The following KLHL3 variants were observed in gnomAD, a reference collection of about 807,000 sequenced individuals.
KLHL3 encodes the protein kelch-like protein 3.
KLHL3 carries 19 observed loss-of-function variants against 70.5 expected under a neutral mutation model. That is an observed-to-expected ratio of 0.27 (90% CI 0.19 to 0.40). KLHL3 has a LOEUF of 0.40. Ranked by LOEUF, KLHL3 falls within the 10% of genes least tolerant of loss-of-function variation. The pLI is 1.00. For synonymous variants in KLHL3, 258 were observed against 290.3 expected, an observed-to-expected ratio of 0.89 and a Z score of 1.13; for missense variants, 512 against 771.1, an observed-to-expected ratio of 0.66 and a Z score of 3.98.
intron 10 of KLHL3, among the ~76,000 whole-genome samples, chr5:137,637,901 T>C (rs551763810): frequency 2.0e-5 from 3 of 152,336 alleles, no homozygotes; most frequent in Non-Finnish European, 2.9e-5. Context: ...ATTCCCCTTT[T>C]TGATTCTTGC....
At chr5:137,704,339 T>C (rs923757758) in intron 3 of KLHL3, among the ~76,000 whole-genome samples, 14 of 151,572 alleles carry the variant, frequency 9.2e-5, no homozygotes, top group Admixed American at 7.2e-4. Flanking sequence ...GAGCCGAGAT[T>C]GCGCCACTGC....
At chr5:137,686,882 A>T (rs1370575246) in intron 5 of KLHL3, among the ~76,000 whole-genome samples, 1 of 126,968 alleles carries the variant, frequency 7.9e-6, no homozygotes, top group Non-Finnish European at 1.7e-5. Flanking sequence ...TAAAAATATT[A>T]CCTCCCTGAG....
At chr5:137,725,061 A>G in intron 1 of KLHL3, 1 of 985,152 alleles carries the variant, frequency 1.0e-6, no homozygotes, top group Non-Finnish European at 1.2e-6. Context: ...CCCTCCATTC[A>G]TTCCAGATCT....
chr5:137,725,736 ATACTTT>A (rs1753075470), intron 1 of KLHL3, among the ~76,000 whole-genome samples: 1 of 152,226 alleles, frequency 6.6e-6, no homozygotes, highest in African/African-American at 2.4e-5. Flanking sequence ...ATCTGGCTCA[ATACTTT>A]AATTAATTTC....
chr5:137,692,996 G>T (rs1315544762), intron 4 of KLHL3, among the ~76,000 whole-genome samples: 1 of 152,274 alleles, frequency 6.6e-6, no homozygotes, highest in Non-Finnish European at 1.5e-5. Context: ...AGCTCCCCAG[G>T]TGCTTCTAAT....
At chr5:137,704,890 G>C (rs1472460708) in intron 3 of KLHL3, among the ~76,000 whole-genome samples, 1 of 152,194 alleles carries the variant, frequency 6.6e-6, no homozygotes, top group East Asian at 1.9e-4. Flanking sequence ...ATAGGGACAG[G>C]AAGAAGAAGC....
At chr5:137,691,330 G>C (rs917481238) in intron 5 of KLHL3, among the ~76,000 whole-genome samples, 5 of 152,230 alleles carry the variant, frequency 3.3e-5, no homozygotes, top group African/African-American at 1.2e-4. Context: ...GGACAATAAA[G>C]AGGGGGGTGG....
chr5:137,722,300 C>T (rs1753011465), intron 1 of KLHL3, among the ~76,000 whole-genome samples: 1 of 152,240 alleles, frequency 6.6e-6, no homozygotes, highest in Non-Finnish European at 1.5e-5. Flanking sequence ...ACAGACTCCT[C>T]TTTTGGCTCC....
intron 11 of KLHL3, among the ~76,000 whole-genome samples, chr5:137,636,171 G>C (rs535985656): frequency 2.1e-4 from 32 of 152,268 alleles, no homozygotes; most frequent in Admixed American, 1.8e-3. Context: ...GACTTATTTA[G>C]TATGTTAGAA....
chr5:137,668,354 T>C (rs146744069), intron 6 of KLHL3, among the ~76,000 whole-genome samples: 2 of 152,236 alleles, frequency 1.3e-5, no homozygotes, highest in Non-Finnish European at 2.9e-5. Context: ...GACGTTGCAG[T>C]GAGCCGAGAT....
intron 1 of KLHL3, among the ~76,000 whole-genome samples, chr5:137,726,246 G>C (rs1290298153): frequency 6.6e-6 from 1 of 152,032 alleles, no homozygotes. Flanking sequence ...CCTTTCAAAG[G>C]ACTCTATAGC....
rs1750798663 is a variant in KLHL3 at position 137,637,530 on chromosome 5, T to C, written c.1220-135A>G. On this transcript the variant is annotated intron_variant, in intron 10 of 14. Transcript: ENST00000309755. ...TGTATGGCTCAGTACCACCTCTGCA[T>C]CACCATGCGGCCTGTGGCAACTCCC... The C allele has an allele frequency of 7.2e-6, 5 of 693,432 alleles. No homozygotes were observed. In the Admixed American group the frequency reaches 1.1e-4, roughly 15 times the overall value. The allele number at this position is 693,432 out of a possible 1,614,324, so 43.0% of individuals were successfully genotyped here. A position where few individuals can be genotyped will look rare whatever the true frequency, so the allele number is the denominator to read the frequency against.
chr5:137,650,087 T>C (rs1034663), intron 8 of KLHL3, among the ~76,000 whole-genome samples: 54,309 of 152,038 alleles, frequency 0.36, 10,508 homozygotes, highest in East Asian at 0.61. Context: ...ATACTACTTG[T>C]ATCATCATCA....
intron 7 of KLHL3, among the ~76,000 whole-genome samples, chr5:137,659,502 T>C (rs962582280): frequency 6.6e-6 from 1 of 152,162 alleles, no homozygotes; most frequent in Non-Finnish European, 1.5e-5. Context: ...ACTGTTTTCC[T>C]TGGAAGGTTT....
intron 12 of KLHL3, 21 bp downstream of exon 12, chr5:137,634,016 C>T (rs1303530047): frequency 6.2e-7 from 1 of 1,613,956 alleles, no homozygotes; most frequent in Non-Finnish European, 8.5e-7. Context: ...ACACAGCCAG[C>T]ACCCCGAGGT....
At chr5:137,657,452 G>A (rs190827564) in intron 8 of KLHL3, among the ~76,000 whole-genome samples, 48 of 152,152 alleles carry the variant, frequency 3.2e-4, no homozygotes, top group African/African-American at 1.0e-3. Context: ...TATAGATAAG[G>A]AGCCTGAGGG....
rs565047196 is a variant in KLHL3 at position 137,658,115 on chromosome 5, T to C, written c.903+16A>G. 1.7e-4 allele frequency: 278 copies of C among 1,603,464 alleles called. 2 individuals are homozygous for C. In the Middle Eastern group the frequency reaches 3.0e-3, roughly 17 times the overall value. On this transcript the variant is annotated intron_variant, in intron 8 of 14. Transcript: ENST00000309755. ...GCACAGTCCTGACTCTTGGTGGTGA[T>C]TGGGCTGGGGCTTACCTTGGGAAGG...
At chr5:137,664,903 A>T (rs1751576175) in intron 6 of KLHL3, among the ~76,000 whole-genome samples, 1 of 152,166 alleles carries the variant, frequency 6.6e-6, no homozygotes, top group African/African-American at 2.4e-5. Context: ...TACTATTTAC[A>T]TGGAGGGAAA....
At chr5:137,695,800 T>C (rs1048607983) in intron 4 of KLHL3, among the ~76,000 whole-genome samples, 1 of 152,202 alleles carries the variant, frequency 6.6e-6, no homozygotes, top group African/African-American at 2.4e-5. Flanking sequence ...GTGCAGGTCC[T>C]CAGCTCTGAA....
Sources: allele counts gnomAD v4.1 joint callset (sites outside exome capture counted in the v4.1 genomes callset), GRCh38; gene constraint gnomAD v4.1.1; transcripts MANE v1.5; gene names NCBI Gene and HGNC (gene_info 2026-07-23, HGNC 2026-07-21).